Variants in SRGAP1 observed in about 807,000 individuals in gnomAD.
SRGAP1 encodes the protein SLIT-ROBO Rho GTPase-activating protein 1.
In SRGAP1, 43 loss-of-function variants were observed where a neutral mutation model predicts 121.9. The ratio of observed to expected loss-of-function variants is 0.35; its 90% CI spans 0.28 to 0.46. The LOEUF (loss-of-function observed/expected upper bound fraction) is 0.46. SRGAP1 is among the 20% of genes least tolerant of loss of function. The pLI is 1.00. For synonymous variants in SRGAP1, 447 were observed against 485.4 expected, an observed-to-expected ratio of 0.92 and a Z score of 1.04; for missense variants, 1,102 against 1,350.9, an observed-to-expected ratio of 0.82 and a Z score of 2.89.
chr12:63,913,934 C>G (rs1208425728), intron 1 of SRGAP1, among the ~76,000 whole-genome samples: 1 of 151,948 alleles, frequency 6.6e-6, no homozygotes. Context: ...TTTGAAAAAA[C>G]TGGTCCTTTA....
chr12:64,087,593 G>A (rs975265573), intron 11 of SRGAP1, among the ~76,000 whole-genome samples: 28 of 151,826 alleles, frequency 1.8e-4, no homozygotes, highest in African/African-American at 6.1e-4. Context: ...AAAATTAGCC[G>A]GGCGTGGTGG....
At chr12:63,911,487 T>C (rs557389994) in intron 1 of SRGAP1, among the ~76,000 whole-genome samples, 134 of 152,290 alleles carry the variant, frequency 8.8e-4, no homozygotes, top group African/African-American at 3.1e-3. Flanking sequence ...TCTAGACGGC[T>C]GTGCCCTTAG....
At chr12:63,866,334 G>A (rs188586277) in intron 1 of SRGAP1, among the ~76,000 whole-genome samples, 1 of 152,176 alleles carries the variant, frequency 6.6e-6, no homozygotes, top group East Asian at 1.9e-4. Flanking sequence ...GCAGTCCCTG[G>A]GCCAAATGTG....
intron 18 of SRGAP1, among the ~76,000 whole-genome samples, chr12:64,124,283 A>C (rs139081681): frequency 9.2e-5 from 14 of 152,372 alleles, no homozygotes; most frequent in African/African-American, 2.4e-4. Flanking sequence ...TGCAATGATT[A>C]TAAGTACAAT....
rs1281272190 is a variant in SRGAP1, at chr12:63,849,205, A to G, written c.67+4322A>G. Among the ~76,000 whole-genome samples, 5 of 152,346 alleles carry G rather than the reference A, an allele frequency of 3.3e-5. No homozygotes were observed. In the East Asian group the frequency reaches 7.7e-4, roughly 23 times the overall value. On this transcript the variant is annotated intron_variant, in intron 1 of 21. Transcript: ENST00000355086. ...GAAACCCAAACCAGTTGACTATGCTATTTGTTAGCATCTCTGGCAAATAGC... is the reference window on the plus strand; with the variant it reads ...GAAACCCAAACCAGTTGACTATGCTGTTTGTTAGCATCTCTGGCAAATAGC...
intron 1 of SRGAP1, among the ~76,000 whole-genome samples, chr12:63,873,848 C>A (rs1003279608): frequency 1.3e-5 from 2 of 151,164 alleles, no homozygotes; most frequent in Non-Finnish European, 2.9e-5. Context: ...GGTAACGTGA[C>A]GAAACTCTGT....
intron 1 of SRGAP1, among the ~76,000 whole-genome samples, chr12:63,878,524 G>T (rs1900096389): frequency 6.6e-6 from 1 of 152,168 alleles, no homozygotes; most frequent in Non-Finnish European, 1.5e-5. Flanking sequence ...GCATGTTTGT[G>T]TTTGTGTGTG....
At chr12:63,952,904 T>G (rs7962968) in intron 1 of SRGAP1, among the ~76,000 whole-genome samples, 3 of 151,872 alleles carry the variant, frequency 2.0e-5, no homozygotes, top group African/African-American at 4.8e-5. Flanking sequence ...CCTCAGCCCC[T>G]CAAAGTACTG....
chr12:64,098,630 A>G (rs2036204676), intron 15 of SRGAP1, among the ~76,000 whole-genome samples: 1 of 151,800 alleles, frequency 6.6e-6, no homozygotes, highest in South Asian at 2.1e-4. Context: ...AGATCGTGCC[A>G]CTGCACTCCA....
Position 64,142,457 on chromosome 12 carries a change from G to T in SRGAP1, c.3043G>T (p.Val1015Phe), listed in dbSNP as rs150022669. The T allele has an allele frequency of 8.7e-6, 14 of 1,614,012 alleles. No homozygotes were observed. Among genetic ancestry groups the T allele is most frequent in the Non-Finnish European group, 1.1e-5 (13 of 1,180,026 alleles). ...GGAATCTCTCAGCCCTTTGCACAAC[G>T]TTGCCCTCAGGAGCTCCGAGCCTCA... Reference protein sequence around the residue: ...STESLSPLHNVALRSSEPQIR... With the variant: ...STESLSPLHNFALRSSEPQIR... The change falls in exon 22 of 22, where the codon GTT becomes TTT. Residue 1015 changes from valine (V) to phenylalanine (F), a missense_variant. Physicochemically the swap from Val to Phe is conservative, Grantham distance 50 (BLOSUM62 -1). Transcript: ENST00000355086.
intron 8 of SRGAP1, among the ~76,000 whole-genome samples, chr12:64,069,063 T>A (rs1279007337): frequency 6.6e-6 from 1 of 151,690 alleles, no homozygotes; most frequent in Non-Finnish European, 1.5e-5. Flanking sequence ...ATATTATTTA[T>A]CAATATCCAG....
intron 1 of SRGAP1, among the ~76,000 whole-genome samples, chr12:63,948,259 G>T (rs1027209203): frequency 4.6e-5 from 7 of 152,066 alleles, no homozygotes; most frequent in African/African-American, 1.7e-4. Context: ...TTCTAATTTT[G>T]ATGAGTTGAC....
intron 2 of SRGAP1, among the ~76,000 whole-genome samples, chr12:63,985,287 C>A (rs1265306599): frequency 6.6e-6 from 1 of 152,130 alleles, no homozygotes; most frequent in Non-Finnish European, 1.5e-5. Context: ...GGGAATGTAC[C>A]ACGCCTGGCT....
At chr12:63,859,818 T>C (rs1387604962) in intron 1 of SRGAP1, among the ~76,000 whole-genome samples, 1 of 152,204 alleles carries the variant, frequency 6.6e-6, no homozygotes, top group Non-Finnish European at 1.5e-5. Flanking sequence ...TTTCTTCTAA[T>C]GTAAGCGTTA....
intron 1 of SRGAP1, among the ~76,000 whole-genome samples, chr12:63,869,455 C>T (rs1041248274): frequency 6.7e-6 from 1 of 149,650 alleles, no homozygotes; most frequent in Non-Finnish European, 1.5e-5. Flanking sequence ...GAAACCACGG[C>T]ATATGGTATG....
intron 6 of SRGAP1, among the ~76,000 whole-genome samples, chr12:64,045,536 A>G (rs61931197): frequency 0.19 from 28,671 of 151,782 alleles, 3,347 homozygotes; most frequent in Non-Finnish European, 0.27. Context: ...CCCAGGTTCA[A>G]GCAATTCTCC....
At chr12:63,877,051 AC>A (rs918577249) in intron 1 of SRGAP1, among the ~76,000 whole-genome samples, 8 of 152,214 alleles carry the variant, frequency 5.3e-5, no homozygotes, top group African/African-American at 1.9e-4. Context: ...TGGCAAAACC[AC>A]GTTTCTACTA....
chr12:63,933,084 A>T (rs1262881615), intron 1 of SRGAP1, among the ~76,000 whole-genome samples: 1 of 152,184 alleles, frequency 6.6e-6, no homozygotes, highest in Non-Finnish European at 1.5e-5. Flanking sequence ...GCTACTCAGG[A>T]GGCTGAAGCA....
intron 1 of SRGAP1, among the ~76,000 whole-genome samples, chr12:63,905,999 C>T (rs2030186966): frequency 6.6e-6 from 1 of 152,168 alleles, no homozygotes; most frequent in South Asian, 2.1e-4. Context: ...AAAATATTTT[C>T]ATTACCCCTA....
Sources: allele counts gnomAD v4.1 joint callset (sites outside exome capture counted in the v4.1 genomes callset), GRCh38; gene constraint gnomAD v4.1.1; transcripts MANE v1.5; gene names NCBI Gene and HGNC (gene_info 2026-07-23, HGNC 2026-07-21).